The following ATAD5 variants were observed in gnomAD, a reference collection of about 807,000 sequenced individuals.
The protein encoded by ATAD5 is ATPase family AAA domain containing 5, also known as ATPase family AAA domain-containing protein 5.
A neutral mutation model predicts 176.9 loss-of-function variants in ATAD5; 58 were observed. That is an observed-to-expected ratio of 0.33 (90% CI 0.27 to 0.41). The LOEUF is 0.41. Among genes scored for constraint, ATAD5 ranks in the 10% least tolerant of loss-of-function variants. ATAD5 has a pLI of 1.00. For synonymous variants in ATAD5, 640 were observed against 712.6 expected (o/e 0.90, Z 1.62); for missense variants, 1,789 against 2,094.1 (o/e 0.85, Z 2.84).
At chr17:30,857,175 T>G in intron 8 of ATAD5, 63 bp downstream of exon 8, 1 of 1,513,626 alleles carries the variant, frequency 6.6e-7, no homozygotes, top group Non-Finnish European at 8.9e-7. Context: ...AGGAAAAACA[T>G]TTTTGGATAT....
intron 5 of ATAD5, among the ~76,000 whole-genome samples, chr17:30,844,427 G>A (rs191690355): frequency 2.4e-4 from 37 of 152,028 alleles, no homozygotes; most frequent in African/African-American, 8.4e-4. Flanking sequence ...CACTGCACCC[G>A]GCCTGTGTTT....
At chr17:30,879,344 A>G (rs1908873247) in intron 17 of ATAD5, 79 bp from the exon 18 acceptor site, 1 of 1,512,278 alleles carries the variant, frequency 6.6e-7, no homozygotes, top group African/African-American at 1.4e-5. Context: ...ATTTTCATAG[A>G]AAAGTATAAC....
chr17:30,890,935 C>A (rs932268371), intron 19 of ATAD5, among the ~76,000 whole-genome samples: 2 of 152,164 alleles, frequency 1.3e-5, no homozygotes, highest in African/African-American at 2.4e-5. Context: ...CACATACGAT[C>A]CTATCCCACT....
At chr17:30,849,336 A>C (rs375069673) in intron 6 of ATAD5, among the ~76,000 whole-genome samples, 1 of 152,128 alleles carries the variant, frequency 6.6e-6, no homozygotes, top group African/African-American at 2.4e-5. Context: ...GGCTCAAGCA[A>C]TCTTCCTTCC....
At chr17:30,856,914 A>C (rs1247953820) in intron 7 of ATAD5, 41 bp from the exon 8 acceptor site, 1 of 1,499,756 alleles carries the variant, frequency 6.7e-7, no homozygotes, top group Admixed American at 2.5e-5. Context: ...TGGATAGTGT[A>C]TAAATAAGGT....
chr17:30,892,921 T>G (rs1336262093), intron 20 of ATAD5, 133 bp downstream of exon 20: 2 of 752,470 alleles, frequency 2.7e-6, no homozygotes, highest in Non-Finnish European at 4.0e-6. Flanking sequence ...GGTCTCTGAT[T>G]TTAACACATC....
At chr17:30,885,766 T>C (rs1909292297) in intron 18 of ATAD5, among the ~76,000 whole-genome samples, 1 of 151,742 alleles carries the variant, frequency 6.6e-6, no homozygotes, top group Admixed American at 6.6e-5. Context: ...CCCGAGTAGC[T>C]GGGATTATAG....
rs1475141962 is a variant in ATAD5, at chr17:30,895,067, T to TA, written c.*155dup. ...TTTATTGGCGGGTAAATATTTAAAA[T>TA]ATTTGAGTTACAAATTTTATATATG... On this transcript the variant is annotated 3_prime_UTR_variant, in exon 23 of 23. Transcript: ENST00000321990. 2 of 503,568 alleles carry TA rather than the reference T, an allele frequency of 4.0e-6. No individual in the cohort carries two copies. The highest frequency in any genetic ancestry group is 4.0e-5 in the African/African-American group (2 of 49,770). The allele number at this position is 503,568 out of a possible 1,614,324, so 31.2% of individuals were successfully genotyped here. A position where few individuals can be genotyped will look rare whatever the true frequency, so the allele number is the denominator to read the frequency against.
At chr17:30,876,086 G>A (rs888410227) in intron 14 of ATAD5, among the ~76,000 whole-genome samples, 2 of 151,828 alleles carry the variant, frequency 1.3e-5, no homozygotes, top group East Asian at 1.9e-4. Context: ...GTAGTGAGCC[G>A]AGATCATGCC....
At chr17:30,889,166 CTTT>C (rs34948000) in intron 19 of ATAD5, among the ~76,000 whole-genome samples, 9 of 134,392 alleles carry the variant, frequency 6.7e-5, no homozygotes, top group Non-Finnish European at 8.0e-5. Flanking sequence ...TCTTTTCTTT[CTTT>C]TTTTTTTTTT....
Position 30,892,575 on chromosome 17 carries a change from ATATAGAGCTAAGAT to A in ATAD5, c.4259-30_4259-17del, listed in dbSNP as rs1909696493. On this transcript the variant is annotated intron_variant, in intron 19 of 22. Transcript: ENST00000321990. The stretch of plus-strand genomic sequence containing the variant: ...GTTTGATACAATTTGTTTAATACAT[ATATAGAGCTAAGAT>A]TTTCTTTTATTTTGTAGGTGGAAAT... 6.8e-7 allele frequency: 1 copy of A among 1,472,888 alleles called. No individual in the cohort carries two copies. Among genetic ancestry groups the A allele is most frequent in the African/African-American group, 1.4e-5 (1 of 70,356 alleles). 91.2% of individuals were successfully genotyped at this position (1,472,888 alleles called of 1,614,324 possible).
intron 18 of ATAD5, 52 bp from the exon 19 acceptor site, chr17:30,887,140 C>T: frequency 2.1e-6 from 3 of 1,424,856 alleles, no homozygotes; most frequent in Non-Finnish European, 2.8e-6. Flanking sequence ...TGTATTATTG[C>T]TGTATCTATT....
chr17:30,887,439 G>C, intron 19 of ATAD5, 67 bp downstream of exon 19: 1 of 1,359,272 alleles, frequency 7.4e-7, no homozygotes, highest in Non-Finnish European at 1.0e-6. Flanking sequence ...TGCTATGGCT[G>C]GGTGCAGTGG....
chr17:30,855,515 G>A (rs1478259439), intron 7 of ATAD5, among the ~76,000 whole-genome samples, 188 bp downstream of exon 7: 1 of 152,000 alleles, frequency 6.6e-6, no homozygotes, highest in South Asian at 2.1e-4. Context: ...GTGGATACTA[G>A]CACTCATGGA....
intron 4 of ATAD5, among the ~76,000 whole-genome samples, chr17:30,842,846 C>T (rs55716382): frequency 0.1 from 15,943 of 152,002 alleles, 947 homozygotes; most frequent in South Asian, 0.24. Context: ...TGGGTTCAAG[C>T]GATTCTCCTG....
At chr17:30,857,677 T>C (rs1907363168) in intron 8 of ATAD5, among the ~76,000 whole-genome samples, 1 of 152,060 alleles carries the variant, frequency 6.6e-6, no homozygotes, top group Admixed American at 6.6e-5. Context: ...CTAATAGATA[T>C]AATTAGTTCA....
intron 18 of ATAD5, among the ~76,000 whole-genome samples, chr17:30,882,384 C>T (rs895148672): frequency 1.3e-5 from 2 of 151,826 alleles, no homozygotes; most frequent in South Asian, 2.1e-4. Flanking sequence ...GCAACATTGG[C>T]GAAATCCTGT....
At chr17:30,873,401 T>C (rs1908454273) in intron 14 of ATAD5, among the ~76,000 whole-genome samples, 1 of 150,426 alleles carries the variant, frequency 6.6e-6, no homozygotes, top group South Asian at 2.1e-4. Context: ...CACTGCAACC[T>C]CCGTCTCCCA....
At chr17:30,864,324 T>G (rs144078520) in intron 10 of ATAD5, 1 of 152,044 alleles carries the variant, frequency 6.6e-6, no homozygotes, top group Non-Finnish European at 1.5e-5. Flanking sequence ...CAAGACCTCA[T>G]CTCTTAAAAA....
Sources: gnomAD v4.1 joint callset for allele counts (sites outside exome capture counted in the v4.1 genomes callset) on GRCh38, gnomAD v4.1.1 for gene constraint, MANE v1.5 for transcripts, NCBI Gene and HGNC (gene_info 2026-07-23, HGNC 2026-07-21) for gene names.